The following KSR2 variants were observed in gnomAD, a reference collection of about 807,000 sequenced individuals.
KSR2 encodes kinase suppressor of ras 2.
KSR2 carries 25 observed loss-of-function variants against 107.8 expected under a neutral mutation model. The ratio of observed to expected loss-of-function variants is 0.23; its 90% CI spans 0.17 to 0.32. KSR2 has a LOEUF of 0.32. Ranked by LOEUF, KSR2 falls within the 10% of genes least tolerant of loss-of-function variation. KSR2 has a pLI of 1.00. For missense variants in KSR2, 887 were observed against 1,268.9 expected, an observed-to-expected ratio of 0.70 and a Z score of 4.57; for synonymous variants, 480 against 507.0, an observed-to-expected ratio of 0.95 and a Z score of 0.71.
At chr12:117,479,749 GAAA>G (rs1565865704) in intron 16 of KSR2, among the ~76,000 whole-genome samples, 34 of 152,318 alleles carry the variant, frequency 2.2e-4, no homozygotes, top group Admixed American at 8.5e-4. Flanking sequence ...TCCTGTGCTA[GAAA>G]CTACTACTCA....
intron 7 of KSR2, among the ~76,000 whole-genome samples, chr12:117,577,371 G>GT (rs1879349049): frequency 6.6e-6 from 1 of 152,056 alleles, no homozygotes; most frequent in Admixed American, 6.6e-5. Flanking sequence ...GAGAGAGGGG[G>GT]GGAGAGATTG....
At chr12:117,784,735 T>C (rs1445594672) in intron 3 of KSR2, among the ~76,000 whole-genome samples, 1 of 152,194 alleles carries the variant, frequency 6.6e-6, no homozygotes, top group Non-Finnish European at 1.5e-5. Flanking sequence ...CAGAACCCTA[T>C]CTTTTTGGCC....
chr12:117,953,599 G>A (rs571270352), intron 1 of KSR2, among the ~76,000 whole-genome samples: 162 of 152,172 alleles, frequency 1.1e-3, no homozygotes, highest in Non-Finnish European at 1.7e-3. Flanking sequence ...GAGGTACCTA[G>A]AGTATTAAGT....
At chr12:117,474,103 G>A (rs1871633856) in intron 17 of KSR2, among the ~76,000 whole-genome samples, 3 of 152,164 alleles carry the variant, frequency 2.0e-5, no homozygotes, top group South Asian at 4.1e-4. Flanking sequence ...GAATTCAGCA[G>A]TGTCAGAAAT....
Position 117,455,509 on chromosome 12 carries a change from G to A in KSR2, c.*11690C>T, listed in dbSNP as rs1226579744. On this transcript the variant is annotated 3_prime_UTR_variant, in exon 20 of 20. Coordinates refer to ENST00000339824, the MANE Select transcript of KSR2 (RefSeq NM_173598.6). ...CCTGGAGGGTCTTTCTCTGGGTTGG[G>A]AGCTCCTGTGGGGCCTCGGGACCCT... 1 of 152,160 alleles carries A rather than the reference G, an allele frequency of 6.6e-6. No homozygotes were observed. The highest frequency in any genetic ancestry group is 2.4e-5 in the African/African-American group (1 of 41,406). The allele number at this position is 152,160 out of a possible 1,614,324, so 9.4% of individuals were successfully genotyped here.
chr12:117,472,444 C>T (rs1032462152), intron 17 of KSR2, among the ~76,000 whole-genome samples: 1 of 152,158 alleles, frequency 6.6e-6, no homozygotes, highest in South Asian at 2.1e-4. Flanking sequence ...GGGGACAGAT[C>T]TCAGCGCTTT....
intron 14 of KSR2, among the ~76,000 whole-genome samples, chr12:117,510,484 A>G (rs1340044419): frequency 3.3e-5 from 5 of 152,174 alleles, no homozygotes; most frequent in African/African-American, 1.2e-4. Flanking sequence ...CAGGACATCT[A>G]ACTCCATACC....
rs1483128746 is a variant in KSR2 at position 117,688,069 on chromosome 12, C to G, written c.987-20411G>C. Among the ~76,000 whole-genome samples, 3 of 129,466 alleles carry G rather than the reference C, an allele frequency of 2.3e-5. No individual in the cohort carries two copies. In the East Asian group the frequency reaches 6.2e-4, roughly 27 times the overall value. The allele number at this position is 129,466 out of a possible 152,430, so 84.9% of individuals were successfully genotyped here. Reference sequence around the variant, plus strand: ...CTAACGTATTCTGAAACCTTTAAAGCTGAATTCCCTTTTAAAAAAAAGTCT... The same window carrying G: ...CTAACGTATTCTGAAACCTTTAAAGGTGAATTCCCTTTTAAAAAAAAGTCT... On this transcript the variant is annotated intron_variant, in intron 4 of 19. Transcript: ENST00000339824.
chr12:117,622,575 CT>C (rs1156532992), intron 5 of KSR2, among the ~76,000 whole-genome samples: 1 of 152,040 alleles, frequency 6.6e-6, no homozygotes, highest in African/African-American at 2.4e-5. Flanking sequence ...CTTCCACTGA[CT>C]TAAACAAAGG....
chr12:117,542,748 A>T (rs759750742), intron 9 of KSR2, among the ~76,000 whole-genome samples: 12 of 152,112 alleles, frequency 7.9e-5, no homozygotes, highest in Non-Finnish European at 1.8e-4. Context: ...CTCAACCTCA[A>T]TCCCAAGTAG....
intron 4 of KSR2, among the ~76,000 whole-genome samples, chr12:117,692,491 TATATATATATATATACAC>T (rs1885865637): frequency 1.0e-5 from 1 of 96,204 alleles, no homozygotes; most frequent in Admixed American, 9.7e-5. Context: ...TATATATATA[TATATATATATATATACAC>T]ACACACATAT....
chr12:117,607,648 G>A (rs867334708), intron 5 of KSR2, among the ~76,000 whole-genome samples: 2,548 of 87,752 alleles, frequency 0.029, 145 homozygotes, highest in East Asian at 0.23. Context: ...CCCGGAGAGG[G>A]GAGGAAAGGA....
chr12:117,861,315 A>G (rs1334213477), intron 1 of KSR2, among the ~76,000 whole-genome samples: 1 of 151,840 alleles, frequency 6.6e-6, no homozygotes, highest in Non-Finnish European at 1.5e-5. Context: ...TTCATAAGGA[A>G]AATGTTTCCC....
intron 1 of KSR2, among the ~76,000 whole-genome samples, chr12:117,886,541 T>C (rs1894183248): frequency 6.6e-6 from 1 of 152,196 alleles, no homozygotes; most frequent in African/African-American, 2.4e-5. Flanking sequence ...CAATAGGCTC[T>C]ATCGTACAGC....
At chr12:117,643,163 G>A (rs888075436) in intron 5 of KSR2, among the ~76,000 whole-genome samples, 19 of 152,094 alleles carry the variant, frequency 1.2e-4, no homozygotes, top group South Asian at 6.2e-4. Context: ...ACCATCAGCC[G>A]GGCACGGTGA....
chr12:117,727,016 G>C (rs1319501789), intron 4 of KSR2, among the ~76,000 whole-genome samples: 1 of 152,074 alleles, frequency 6.6e-6, no homozygotes, highest in Non-Finnish European at 1.5e-5. Context: ...TAGGGGTTTT[G>C]CAGATATAAT....
chr12:117,803,698 G>A (rs759725853), intron 3 of KSR2, among the ~76,000 whole-genome samples: 59 of 152,070 alleles, frequency 3.9e-4, no homozygotes, highest in Middle Eastern at 6.8e-3. Context: ...GTGAAACTCC[G>A]TCTCAAAAAA....
At chr12:117,561,015 A>G (rs544381425) in intron 7 of KSR2, among the ~76,000 whole-genome samples, 17 of 152,370 alleles carry the variant, frequency 1.1e-4, no homozygotes, top group Middle Eastern at 3.4e-3. Flanking sequence ...CCTTTATAGC[A>G]ATGCATAACA....
chr12:117,471,390 G>GCACA, intron 17 of KSR2, 70 bp from the exon 18 acceptor site: 1 of 1,512,014 alleles, frequency 6.6e-7, no homozygotes, highest in Non-Finnish European at 9.0e-7. Context: ...TCCATTATTA[G>GCACA]CACACACCCA....
Sources: allele counts gnomAD v4.1 joint callset (sites outside exome capture counted in the v4.1 genomes callset), GRCh38; gene constraint gnomAD v4.1.1; transcripts MANE v1.5; gene names NCBI Gene and HGNC (gene_info 2026-07-23, HGNC 2026-07-21).